Variants in MARCHF1 observed in about 807,000 individuals in gnomAD.
The protein encoded by MARCHF1 is membrane associated ring-CH-type finger 1.
A neutral mutation model predicts 54.2 loss-of-function variants in MARCHF1; 40 were observed. The ratio of observed to expected loss-of-function variants is 0.74; its 90% CI spans 0.57 to 0.96. The LOEUF (loss-of-function observed/expected upper bound fraction) is 0.96, where lower values mean the gene tolerates loss of function less well. Among genes scored for constraint, MARCHF1 ranks in the 40% least tolerant of loss-of-function variants. The pLI is 0.00. For synonymous variants in MARCHF1, 236 were observed against 236.3 expected, an observed-to-expected ratio of 1.00 and a Z score of 0.01; for missense variants, 586 against 656.5, an observed-to-expected ratio of 0.89 and a Z score of 1.17.
At chr4:164,070,953 T>C (rs1489620802) in intron 2 of MARCHF1, among the ~76,000 whole-genome samples, 1 of 152,204 alleles carries the variant, frequency 6.6e-6, no homozygotes, top group Admixed American at 6.5e-5. Context: ...GACGGGTTTA[T>C]CAAGGATTTC....
intron 4 of MARCHF1, among the ~76,000 whole-genome samples, chr4:163,713,030 C>T (rs536694938): frequency 2.6e-4 from 39 of 152,138 alleles, no homozygotes; most frequent in Non-Finnish European, 4.6e-4. Flanking sequence ...ACAGTAGCTT[C>T]GACTCATCTC....
intron 4 of MARCHF1, among the ~76,000 whole-genome samples, chr4:163,819,462 C>T (rs1579312273): frequency 6.6e-6 from 1 of 152,042 alleles, no homozygotes; most frequent in African/African-American, 2.4e-5. Flanking sequence ...AACATTCATT[C>T]GATTATAAAT....
rs186996372 is a variant in MARCHF1, at chr4:163,732,918, G to C, written c.112-32055C>G. Among the ~76,000 whole-genome samples, 1,148 of 151,872 alleles carry C rather than the reference G, an allele frequency of 7.6e-3. 8 individuals are homozygous for C. The highest frequency in any genetic ancestry group is 0.021 in the South Asian group (103 of 4,806). On this transcript the variant is annotated intron_variant, in intron 4 of 9. Coordinates refer to ENST00000514618, the MANE Select transcript of MARCHF1 (RefSeq NM_001394959.1). ...TGTAATCCCAGCAATTTGGGATGCC[G>C]AGGTGGGTGGATCATCTGAGGTCAG... is the stretch of plus-strand genomic sequence containing the variant.
At chr4:163,901,037 C>G (rs1246138053) in intron 3 of MARCHF1, among the ~76,000 whole-genome samples, 2 of 152,118 alleles carry the variant, frequency 1.3e-5, no homozygotes, top group African/African-American at 4.8e-5. Flanking sequence ...CACCACATAA[C>G]TTTATGCACA....
intron 3 of MARCHF1, among the ~76,000 whole-genome samples, chr4:163,949,421 G>A (rs747062824): frequency 2.0e-5 from 3 of 152,290 alleles, no homozygotes; most frequent in East Asian, 1.9e-4. Context: ...GCTCCCCAAA[G>A]GGCTGCAGCT....
At chr4:164,095,388 G>A (rs1240484914) in intron 2 of MARCHF1, among the ~76,000 whole-genome samples, 2 of 150,460 alleles carry the variant, frequency 1.3e-5, no homozygotes, top group South Asian at 4.2e-4. Flanking sequence ...AGTGGTAAAT[G>A]TGTTTGCTAT....
chr4:164,171,420 C>T (rs1730522422), intron 1 of MARCHF1, among the ~76,000 whole-genome samples: 1 of 152,040 alleles, frequency 6.6e-6, no homozygotes, highest in Non-Finnish European at 1.5e-5. Context: ...TGTCTACCCA[C>T]TTGATTTGAA....
chr4:164,297,384 G>C (rs1214626377), intron 1 of MARCHF1, among the ~76,000 whole-genome samples: 1 of 152,070 alleles, frequency 6.6e-6, no homozygotes. Context: ...TTGAGAGCAT[G>C]GACCCCTGAT....
intron 1 of MARCHF1, among the ~76,000 whole-genome samples, chr4:164,175,322 A>G (rs2110989934): frequency 6.6e-6 from 1 of 152,340 alleles, no homozygotes; most frequent in South Asian, 2.1e-4. Flanking sequence ...ATAAATCTAG[A>G]CATAAATATC....
intron 3 of MARCHF1, among the ~76,000 whole-genome samples, chr4:163,987,018 G>A (rs1752882494): frequency 6.6e-6 from 1 of 152,182 alleles, no homozygotes. Flanking sequence ...TTTATACTGT[G>A]AGTAAGCAAT....
chr4:164,348,165 G>A (rs774193753), intron 1 of MARCHF1, among the ~76,000 whole-genome samples: 1 of 151,370 alleles, frequency 6.6e-6, no homozygotes, highest in Non-Finnish European at 1.5e-5. Flanking sequence ...TCAATAATTG[G>A]CATCAAAAGA....
At chr4:164,184,938 T>TA (rs1402098656) in intron 1 of MARCHF1, among the ~76,000 whole-genome samples, 1 of 152,250 alleles carries the variant, frequency 6.6e-6, no homozygotes, top group Non-Finnish European at 1.5e-5. Context: ...TAAGTGAATG[T>TA]ACTTAATGTC....
At chr4:164,006,109 A>G (rs1753281314) in intron 2 of MARCHF1, among the ~76,000 whole-genome samples, 2 of 152,182 alleles carry the variant, frequency 1.3e-5, no homozygotes, top group Non-Finnish European at 2.9e-5. Flanking sequence ...CCTCAACAAA[A>G]GGATAAGCAA....
chr4:163,815,280 A>C (rs1376549199), intron 4 of MARCHF1, among the ~76,000 whole-genome samples: 1 of 152,238 alleles, frequency 6.6e-6, no homozygotes, highest in Non-Finnish European at 1.5e-5. Context: ...GTTTTATTTA[A>C]AACTGTCATG....
At chr4:163,564,800 T>A (rs1239906128) in intron 8 of MARCHF1, among the ~76,000 whole-genome samples, 1 of 152,166 alleles carries the variant, frequency 6.6e-6, no homozygotes, top group Admixed American at 6.5e-5. Flanking sequence ...AAGAGTCAGA[T>A]GTTTGTTACT....
intron 1 of MARCHF1, among the ~76,000 whole-genome samples, chr4:164,144,175 TC>T (rs1157755329): frequency 6.7e-6 from 1 of 150,220 alleles, no homozygotes; most frequent in Admixed American, 6.6e-5. Flanking sequence ...ATAAAGCAAG[TC>T]CTGACTGACC....
At chr4:164,163,813 T>C (rs1238329388) in intron 1 of MARCHF1, among the ~76,000 whole-genome samples, 1 of 151,884 alleles carries the variant, frequency 6.6e-6, no homozygotes, top group East Asian at 1.9e-4. Flanking sequence ...ATGTGTAACA[T>C]TTACCAAGAC....
At chr4:163,834,643 C>A (rs1438512301) in intron 4 of MARCHF1, among the ~76,000 whole-genome samples, 3 of 142,418 alleles carry the variant, frequency 2.1e-5, no homozygotes, top group African/African-American at 5.2e-5. Flanking sequence ...TGATGTTCCC[C>A]TTAGGGACAT....
At chr4:163,793,236 T>C (rs1283911617) in intron 4 of MARCHF1, among the ~76,000 whole-genome samples, 2 of 152,206 alleles carry the variant, frequency 1.3e-5, no homozygotes, top group Non-Finnish European at 2.9e-5. Flanking sequence ...CATCCTACTA[T>C]TCTCTCTAGT....
Sources: gnomAD v4.1 joint callset for allele counts (sites outside exome capture counted in the v4.1 genomes callset) on GRCh38, gnomAD v4.1.1 for gene constraint, MANE v1.5 for transcripts, NCBI Gene and HGNC (gene_info 2026-07-23, HGNC 2026-07-21) for gene names.